The following PCDHA1 variants were observed in gnomAD, a reference collection of about 807,000 sequenced individuals.
PCDHA1 encodes the protein protocadherin alpha 1, also known as protocadherin alpha-1.
A neutral mutation model predicts 61.3 loss-of-function variants in PCDHA1; 42 were observed. That is an observed-to-expected ratio of 0.69 (90% CI 0.54 to 0.89). The LOEUF (loss-of-function observed/expected upper bound fraction) is 0.89. Among genes scored for constraint, PCDHA1 ranks in the 40% least tolerant of loss-of-function variants. The probability of loss-of-function intolerance (pLI) is 0.00; values close to 1 mark genes in which losing one functional copy is unlikely to be tolerated. For synonymous variants in PCDHA1, 610 were observed against 553.8 expected, an observed-to-expected ratio of 1.10 and a Z score of -1.43; for missense variants, 1,256 against 1,235.3, an observed-to-expected ratio of 1.02 and a Z score of -0.25.
intron 1 of PCDHA1, chr5:140,869,913 C>T (rs782111162): frequency 3.7e-6 from 6 of 1,610,754 alleles, no homozygotes; most frequent in Non-Finnish European, 5.1e-6. Flanking sequence ...CAGACCGAGA[C>T]GAAGGAGTCA....
chr5:140,798,844 C>A (rs1452217854), intron 1 of PCDHA1, among the ~76,000 whole-genome samples: 1 of 152,178 alleles, frequency 6.6e-6, no homozygotes, highest in South Asian at 2.1e-4. Flanking sequence ...AATAAAATAA[C>A]TGTCTTAAAC....
chr5:140,792,049 A>G (rs1554118747), intron 1 of PCDHA1, among the ~76,000 whole-genome samples: 1 of 152,172 alleles, frequency 6.6e-6, no homozygotes, highest in Admixed American at 6.5e-5. Flanking sequence ...GAGTCTCTGT[A>G]AGAATAAATT....
intron 1 of PCDHA1, chr5:140,870,884 G>A (rs376620715): frequency 6.5e-5 from 105 of 1,613,948 alleles, no homozygotes; most frequent in Admixed American, 3.3e-4. Context: ...GCGAAGGTGC[G>A]CGCAGTGGAT....
At chr5:140,876,660 G>C in intron 1 of PCDHA1, 1 of 1,614,216 alleles carries the variant, frequency 6.2e-7, no homozygotes, top group Non-Finnish European at 8.5e-7. Context: ...TTCCCTTCAA[G>C]CTGGTGTCCA....
intron 1 of PCDHA1, chr5:140,796,131 G>A (rs1581618131): frequency 6.2e-7 from 1 of 1,614,060 alleles, no homozygotes; most frequent in Non-Finnish European, 8.5e-7. Context: ...CCTGCTCCCT[G>A]ACGCCCCACG....
intron 1 of PCDHA1, among the ~76,000 whole-genome samples, chr5:140,944,025 A>C (rs981840753): frequency 6.6e-6 from 1 of 152,236 alleles, no homozygotes; most frequent in Admixed American, 6.5e-5. Flanking sequence ...AATTATCTTC[A>C]AAATATGGAA....
intron 1 of PCDHA1, among the ~76,000 whole-genome samples, chr5:140,844,717 G>A (rs1779511876): frequency 6.7e-6 from 1 of 149,352 alleles, no homozygotes. Context: ...TGGCCCATTA[G>A]TTCGTGTAAA....
chr5:140,987,790 A>AT (rs1409478213), intron 3 of PCDHA1, among the ~76,000 whole-genome samples: 3 of 152,100 alleles, frequency 2.0e-5, no homozygotes, highest in Admixed American at 6.6e-5. Context: ...TATAGAGAAG[A>AT]TTTTTTTAAA....
At chr5:140,964,222 A>G (rs2095818106) in intron 1 of PCDHA1, among the ~76,000 whole-genome samples, 1 of 152,254 alleles carries the variant, frequency 6.6e-6, no homozygotes, top group African/African-American at 2.4e-5. Flanking sequence ...AATGTCTTTC[A>G]AAATGAGGCT....
At chr5:140,791,685 T>C (rs1430418151) in intron 1 of PCDHA1, among the ~76,000 whole-genome samples, 1 of 152,210 alleles carries the variant, frequency 6.6e-6, no homozygotes, top group Non-Finnish European at 1.5e-5. Flanking sequence ...TTGAATTCCA[T>C]GGAAAAAATC....
At chr5:140,848,956 T>C in intron 1 of PCDHA1, 2 of 1,606,732 alleles carry the variant, frequency 1.2e-6, no homozygotes, top group Non-Finnish European at 1.7e-6. Flanking sequence ...CGGTTTCCAC[T>C]AGAGGGCGCG....
rs565095262 is a variant in PCDHA1, at chr5:140,873,057, T to C, written c.2394+84373T>C. 8.5e-4 allele frequency among the ~76,000 whole-genome samples: 129 copies of C among 152,336 alleles called. 1 individual carries two copies. Among genetic ancestry groups the C allele is most frequent in the Middle Eastern group, 3.4e-3 (1 of 294 alleles). ...TAGAGTGGTGGTATTACAGACTTTC[T>C]TGAGAATCATATCTAGCTATTTCCC... On this transcript the variant is annotated intron_variant, in intron 1 of 3. Transcript: ENST00000504120.
chr5:140,870,345 C>T (rs782253040), intron 1 of PCDHA1: 7 of 1,614,066 alleles, frequency 4.3e-6, no homozygotes, highest in South Asian at 2.2e-5. Flanking sequence ...CCCTGGACCG[C>T]GAGAACGTGT....
rs1554118232 is a variant in PCDHA1, at chr5:140,788,365, C to A, written c.2075C>A (p.Ala692Glu). 3.7e-6 allele frequency: 6 copies of A among 1,613,994 alleles called. No individual in the cohort carries two copies. Among genetic ancestry groups the A allele is most frequent in the Non-Finnish European group, 5.1e-6 (6 of 1,179,964 alleles). Reference sequence around the variant, plus strand: ...GTGGGTGTCGCGGGCCCAGAGGCGGCGCTGGTGGATGTCAACGTGTACCTG... The same window carrying A: ...GTGGGTGTCGCGGGCCCAGAGGCGGAGCTGGTGGATGTCAACGTGTACCTG... Reference protein sequence around the residue: ...ASVGVAGPEAALVDVNVYLII... With the variant: ...ASVGVAGPEAELVDVNVYLII... Residue 692 changes from alanine to glutamate, a missense_variant, in exon 1 of 4, where the codon GCG (alanine) becomes GAG (glutamate). Ala to Glu is a moderately radical substitution (Grantham distance 107, BLOSUM62 -1). Coordinates refer to ENST00000504120, the MANE Select transcript of PCDHA1 (RefSeq NM_018900.4).
chr5:140,985,930 G>A (rs577670490), intron 3 of PCDHA1, among the ~76,000 whole-genome samples: 1 of 151,914 alleles, frequency 6.6e-6, no homozygotes, highest in East Asian at 1.9e-4. Flanking sequence ...TAGTAGAGCC[G>A]GGGTTTCACT....
At chr5:140,882,092 A>C (rs59479) in intron 1 of PCDHA1, 748,334 of 1,137,016 alleles carry the variant, frequency 0.66, 247,467 homozygotes, top group African/African-American at 0.7. Flanking sequence ...CTTCACTGAG[A>C]ACGTTTCCGC....
At chr5:140,883,219 A>G (rs1416740017) in intron 1 of PCDHA1, 1 of 1,613,942 alleles carries the variant, frequency 6.2e-7, no homozygotes, top group Non-Finnish European at 8.5e-7. Flanking sequence ...AATTATATGA[A>G]ATATCCGTGG....
intron 1 of PCDHA1, chr5:140,926,624 G>A (rs2083414676): frequency 5.0e-6 from 2 of 400,148 alleles, no homozygotes; most frequent in Admixed American, 8.6e-5. Context: ...CCTAGGCGGC[G>A]CTGCGCTCCT....
chr5:140,998,708 G>A (rs2153953637), intron 3 of PCDHA1, among the ~76,000 whole-genome samples: 1 of 152,142 alleles, frequency 6.6e-6, no homozygotes, highest in South Asian at 2.1e-4. Context: ...GGGATTACAA[G>A]CTTGCACCAC....
Sources: allele counts gnomAD v4.1 joint callset (sites outside exome capture counted in the v4.1 genomes callset), GRCh38; gene constraint gnomAD v4.1.1; transcripts MANE v1.5; gene names NCBI Gene and HGNC (gene_info 2026-07-23, HGNC 2026-07-21).